TRAPPC9: variants seen among roughly 807,000 people sequenced by gnomAD.
The protein encoded by TRAPPC9 is trafficking protein particle complex subunit 9, also known as IKK2 binding protein.
Under a neutral mutation model 124.0 loss-of-function variants are expected in TRAPPC9, and 83 were observed. The observed-to-expected ratio is 0.67, with a 90% CI of 0.56 to 0.80. The LOEUF (loss-of-function observed/expected upper bound fraction) is 0.80. Ranked by LOEUF, TRAPPC9 falls within the 30% of genes least tolerant of loss-of-function variation. The pLI, the probability that TRAPPC9 is intolerant of heterozygous loss-of-function variation, is 0.00. For synonymous variants in TRAPPC9, 638 were observed against 617.5 expected (o/e 1.03, Z -0.49); for missense variants, 1,302 against 1,508.3 (o/e 0.86, Z 2.27).
intron 17 of TRAPPC9, chr8:140,099,118 G>A (rs1291749186): frequency 2.0e-5 from 3 of 152,190 alleles, no homozygotes; most frequent in Non-Finnish European, 4.4e-5. Flanking sequence ...CACTCAGCTA[G>A]GTCTCAGTGC....
rs532844892 is a variant in TRAPPC9 at position 140,215,620 on chromosome 8, T to C, written c.2556+5839A>G. ...AAGATCACGCCACTGCTCTCCAGCC[T>C]GAGCGACAGAGCAAAACTCCATCTC... On this transcript the variant is annotated intron_variant, in intron 17 of 22. Transcript: ENST00000438773. 2.7e-5 allele frequency among the ~76,000 whole-genome samples: 4 copies of C among 149,404 alleles called. No homozygotes were observed. The South Asian group carries it at 8.4e-4, about 32-fold the overall frequency.
At chr8:140,126,425 G>A (rs2061098955) in intron 17 of TRAPPC9, among the ~76,000 whole-genome samples, 1 of 152,172 alleles carries the variant, frequency 6.6e-6, no homozygotes, top group Non-Finnish European at 1.5e-5. Flanking sequence ...ATGTCAAGGA[G>A]TTCTCTCAAG....
At chr8:140,406,366 A>T (rs1435138696) in intron 5 of TRAPPC9, among the ~76,000 whole-genome samples, 1 of 152,212 alleles carries the variant, frequency 6.6e-6, no homozygotes, top group Admixed American at 6.6e-5. Flanking sequence ...AATAGCAGGG[A>T]AAGCTGGGCT....
intron 17 of TRAPPC9, among the ~76,000 whole-genome samples, chr8:140,203,322 G>A (rs1216604385): frequency 6.6e-6 from 1 of 152,202 alleles, no homozygotes; most frequent in African/African-American, 2.4e-5. Context: ...CTTCATGGTC[G>A]TGATCTCTGG....
At chr8:139,902,906 C>A (rs1287033663) in intron 20 of TRAPPC9, among the ~76,000 whole-genome samples, 1 of 152,200 alleles carries the variant, frequency 6.6e-6, no homozygotes, top group Non-Finnish European at 1.5e-5. Context: ...CAGGTGAGAT[C>A]ACCCAAACAG....
chr8:139,797,447 A>G (rs1279302285), intron 21 of TRAPPC9, among the ~76,000 whole-genome samples: 1 of 152,002 alleles, frequency 6.6e-6, no homozygotes, highest in African/African-American at 2.4e-5. Context: ...TTTAGTAGAG[A>G]CAGGGTTTCA....
At chr8:140,111,955 C>T (rs1213710856) in intron 17 of TRAPPC9, among the ~76,000 whole-genome samples, 2 of 152,274 alleles carry the variant, frequency 1.3e-5, no homozygotes, top group Non-Finnish European at 2.9e-5. Flanking sequence ...GCAGGAGGCT[C>T]AGGCGCAGGC....
At chr8:139,946,859 C>T (rs978463076) in intron 19 of TRAPPC9, among the ~76,000 whole-genome samples, 2 of 151,342 alleles carry the variant, frequency 1.3e-5, no homozygotes, top group African/African-American at 2.4e-5. Context: ...TGGTGGCGGG[C>T]GCCTCTAATC....
intron 21 of TRAPPC9, among the ~76,000 whole-genome samples, chr8:139,790,374 C>T (rs554204980): frequency 3.3e-5 from 5 of 152,290 alleles, no homozygotes; most frequent in South Asian, 4.1e-4. Context: ...GACCGGGGAG[C>T]GCTTTGTTCT....
chr8:140,037,224 TG>T (rs1338988485), intron 17 of TRAPPC9, among the ~76,000 whole-genome samples: 1 of 152,080 alleles, frequency 6.6e-6, no homozygotes, highest in Non-Finnish European at 1.5e-5. Context: ...GCGAGTGATC[TG>T]ATCTCTTCAG....
At chr8:139,939,036 C>T (rs1406044564) in intron 19 of TRAPPC9, among the ~76,000 whole-genome samples, 1 of 152,226 alleles carries the variant, frequency 6.6e-6, no homozygotes, top group African/African-American at 2.4e-5. Context: ...CTCCCTGCCA[C>T]TTGACAGACA....
rs564177072 is a variant in TRAPPC9 at position 139,731,968 on chromosome 8, C to T, written c.3279+11G>A. ...AGAGGCTCCCAGACCGCCTTGCACA[C>T]CACCACGCACCGCGTCGAGGTAGAA... On this transcript the variant is annotated intron_variant, in intron 22 of 22. Transcript: ENST00000438773. The T allele has an allele frequency of 1.0e-5, 16 of 1,562,842 alleles. 1 individual carries two copies. In the South Asian group the frequency reaches 1.9e-4, roughly 18 times the overall value.
intron 19 of TRAPPC9, among the ~76,000 whole-genome samples, chr8:139,930,483 T>A (rs778656230): frequency 6.6e-5 from 10 of 152,196 alleles, no homozygotes; most frequent in Admixed American, 3.3e-4. Context: ...AAGGGACTTC[T>A]GTTCTGCTTT....
At chr8:139,799,901 G>A (rs545248920) in intron 21 of TRAPPC9, among the ~76,000 whole-genome samples, 4 of 152,312 alleles carry the variant, frequency 2.6e-5, no homozygotes, top group South Asian at 4.1e-4. Flanking sequence ...TTCTCAGGCC[G>A]ATGGGGAAAG....
chr8:140,285,377 G>A (rs551499955), intron 13 of TRAPPC9, among the ~76,000 whole-genome samples: 47 of 152,274 alleles, frequency 3.1e-4, no homozygotes, highest in South Asian at 1.0e-3. Flanking sequence ...CTGGGTCATC[G>A]CTGAAGCTTG....
chr8:140,276,946 T>C (rs2065143566), intron 14 of TRAPPC9, among the ~76,000 whole-genome samples: 1 of 152,082 alleles, frequency 6.6e-6, no homozygotes, highest in Non-Finnish European at 1.5e-5. Flanking sequence ...GCTTAGTGCA[T>C]CCAGAAATGG....
intron 21 of TRAPPC9, among the ~76,000 whole-genome samples, chr8:139,808,194 C>A (rs942254881): frequency 6.6e-6 from 1 of 152,232 alleles, no homozygotes; most frequent in East Asian, 1.9e-4. Context: ...CACAGTGGCT[C>A]ACGCCTATAA....
chr8:139,997,435 C>A (rs1838081390), intron 18 of TRAPPC9, among the ~76,000 whole-genome samples: 1 of 149,572 alleles, frequency 6.7e-6, no homozygotes, highest in Non-Finnish European at 1.5e-5. Context: ...CCCAGGAGAA[C>A]AATGCATCCC....
At chr8:139,821,323 C>T (rs1326458678) in intron 21 of TRAPPC9, among the ~76,000 whole-genome samples, 1 of 152,246 alleles carries the variant, frequency 6.6e-6, no homozygotes, top group Admixed American at 6.5e-5. Context: ...CCTGAATGTG[C>T]ACAGTGCTGA....
Sources: gnomAD v4.1 joint callset for allele counts (sites outside exome capture counted in the v4.1 genomes callset) on GRCh38, gnomAD v4.1.1 for gene constraint, MANE v1.5 for transcripts, NCBI Gene and HGNC (gene_info 2026-07-23, HGNC 2026-07-21) for gene names.